Variants in AMD1 observed in about 807,000 individuals in gnomAD.
AMD1 encodes the protein S-adenosylmethionine decarboxylase proenzyme.
A neutral mutation model predicts 40.2 loss-of-function variants in AMD1; 11 were observed. The observed-to-expected ratio is 0.27, with a 90% CI of 0.17 to 0.45. The LOEUF is 0.45. AMD1 is among the 20% of genes least tolerant of loss of function. The pLI is 1.00. For synonymous variants in AMD1, 121 were observed against 130.8 expected, an observed-to-expected ratio of 0.93 and a Z score of 0.51; for missense variants, 257 against 410.2, an observed-to-expected ratio of 0.63 and a Z score of 3.23.
intron 1 of AMD1, among the ~76,000 whole-genome samples, chr6:110,885,796 A>G (rs1230912535): frequency 6.6e-6 from 1 of 152,138 alleles, no homozygotes; most frequent in African/African-American, 2.4e-5. Flanking sequence ...AGATTTTTGG[A>G]TGGGTATTGG....
At chr6:110,881,308 C>T (rs1050535129) in intron 1 of AMD1, among the ~76,000 whole-genome samples, 1 of 152,072 alleles carries the variant, frequency 6.6e-6, no homozygotes, top group African/African-American at 2.4e-5. Flanking sequence ...GGCCTCTATC[C>T]ACTGCATGCT....
chr6:110,891,464 G>C (rs2115310497), intron 4 of AMD1: 1 of 152,294 alleles, frequency 6.6e-6, no homozygotes, highest in South Asian at 2.1e-4. Context: ...AAATTCGTAA[G>C]GGTTTCTTTC....
At chr6:110,888,564 C>T (rs1785830864) in intron 2 of AMD1, 1 of 174,226 alleles carries the variant, frequency 5.7e-6, no homozygotes, top group Non-Finnish European at 1.2e-5. Context: ...CCTCGGCCGC[C>T]TAAAGTGCTG....
At chr6:110,838,621 G>A in the AMD1 span, among the ~76,000 whole-genome samples, 1 of 151,934 alleles carries the variant, frequency 6.6e-6, no homozygotes, top group African/African-American at 2.4e-5. Context: ...CACTTTGGGA[G>A]GCCGAGGTGG....
In AMD1 at chr6:110,893,676, T is replaced by A. The variant is rs1803096; in HGVS notation, c.*60T>A. 182 of 1,575,886 alleles carry A rather than the reference T, an allele frequency of 1.2e-4. No individual in the cohort carries two copies. The highest frequency in any genetic ancestry group is 1.4e-4 in the Non-Finnish European group (164 of 1,161,966). ...CACATGTAGAAGGTGGTGGATGCTT[T>A]CTAGATGTCGATGCTGGGGGCAGTG... On this transcript the variant is annotated 3_prime_UTR_variant, in exon 9 of 9. Transcript: ENST00000368885.
At chr6:110,881,041 T>A (rs557123818) in intron 1 of AMD1, among the ~76,000 whole-genome samples, 2 of 152,316 alleles carry the variant, frequency 1.3e-5, no homozygotes, top group African/African-American at 4.8e-5. Context: ...TCTAAGAAAA[T>A]GTTTTAAATA....
At chr6:110,859,281 T>A in the AMD1 span, 2 of 365,730 alleles carry the variant, frequency 5.5e-6, no homozygotes, top group Non-Finnish European at 1.0e-5. Flanking sequence ...CGGTGTGGGA[T>A]CAGGGAGGTC....
the AMD1 span, among the ~76,000 whole-genome samples, chr6:110,865,232 C>T: frequency 6.6e-6 from 1 of 152,104 alleles, no homozygotes; most frequent in Non-Finnish European, 1.5e-5. Context: ...ACCAGAGATG[C>T]CCACAAATTA....
chr6:110,851,250 G>A, the AMD1 span, among the ~76,000 whole-genome samples: 1 of 152,126 alleles, frequency 6.6e-6, no homozygotes, highest in Non-Finnish European at 1.5e-5. Flanking sequence ...ACAGGCATGA[G>A]CCACCACGCC....
chr6:110,844,219 C>T, the AMD1 span, among the ~76,000 whole-genome samples: 1 of 146,668 alleles, frequency 6.8e-6, no homozygotes, highest in African/African-American at 2.5e-5. Context: ...AAGATCCTGT[C>T]CCTACTTCAA....
At chr6:110,831,428 G>A in the AMD1 span, among the ~76,000 whole-genome samples, 1 of 149,178 alleles carries the variant, frequency 6.7e-6, no homozygotes, top group African/African-American at 2.5e-5. Flanking sequence ...GACAGTGCAA[G>A]ACTCCGTCTC....
the AMD1 span, among the ~76,000 whole-genome samples, chr6:110,841,301 G>A: frequency 1.3e-5 from 2 of 152,170 alleles, no homozygotes; most frequent in African/African-American, 4.8e-5. Context: ...TTCTTTTAAA[G>A]ACTAACTTCC....
the AMD1 span, among the ~76,000 whole-genome samples, chr6:110,865,818 A>G: frequency 6.6e-6 from 1 of 151,014 alleles, no homozygotes; most frequent in African/African-American, 2.4e-5. Context: ...GCTAGAGTGC[A>G]GTGGTGCAAT....
At chr6:110,882,739 T>A (rs367802738) in intron 1 of AMD1, among the ~76,000 whole-genome samples, 5 of 152,220 alleles carry the variant, frequency 3.3e-5, no homozygotes, top group African/African-American at 9.7e-5. Context: ...GATACTATGA[T>A]TGAAAAATTC....
the AMD1 span, among the ~76,000 whole-genome samples, chr6:110,868,577 T>C: frequency 6.6e-6 from 1 of 152,234 alleles, no homozygotes; most frequent in East Asian, 1.9e-4. Flanking sequence ...TTCTGTTACT[T>C]GTCTTTCACC....
the AMD1 span, among the ~76,000 whole-genome samples, chr6:110,839,382 A>G: frequency 6.6e-6 from 1 of 152,208 alleles, no homozygotes; most frequent in African/African-American, 2.4e-5. Context: ...CTCTCATACC[A>G]CAATAACACA....
At chr6:110,862,210 A>T in the AMD1 span, among the ~76,000 whole-genome samples, 2 of 151,184 alleles carry the variant, frequency 1.3e-5, no homozygotes, top group East Asian at 3.9e-4. Context: ...GAGTCTCATT[A>T]TGTTGCCCAG....
Position 110,890,272 on chromosome 6 carries a change from A to C in AMD1, c.343A>C (p.Lys115Gln). Residue 115 changes from lysine (K) to glutamine (Q), a missense_variant, in exon 4 of 9, where the codon AAG becomes CAG. Physicochemically the swap from Lys to Gln is moderately conservative, Grantham distance 53. Coordinates refer to ENST00000368885, the MANE Select transcript of AMD1 (RefSeq NM_001634.6). Reference protein sequence around the residue: ...DSIQSFFYSRKNFMKPSHQGY... With the variant: ...DSIQSFFYSRQNFMKPSHQGY... ...AATAAAGAGCTTCTTTTATTCTCGT[A>C]AGAATTTCATGAAGCCTTCTCACCA... The C allele has an allele frequency of 6.4e-7, 1 of 1,572,430 alleles. No homozygotes were observed. Among genetic ancestry groups the C allele is most frequent in the Non-Finnish European group, 8.6e-7 (1 of 1,168,254 alleles).
chr6:110,831,164 G>C, the AMD1 span, among the ~76,000 whole-genome samples: 9 of 151,994 alleles, frequency 5.9e-5, no homozygotes, highest in African/African-American at 2.2e-4. Flanking sequence ...TTATGGCCAG[G>C]TGCAGTGGTT....
Sources: gnomAD v4.1 joint callset for allele counts (sites outside exome capture counted in the v4.1 genomes callset) on GRCh38, gnomAD v4.1.1 for gene constraint, MANE v1.5 for transcripts, NCBI Gene and HGNC (gene_info 2026-07-23, HGNC 2026-07-21) for gene names.